The following CLN8 variants were observed in gnomAD, a reference collection of about 807,000 sequenced individuals.
CLN8 encodes the protein protein CLN8.
In CLN8, 14 loss-of-function variants were observed where a neutral mutation model predicts 15.7. The observed-to-expected ratio is 0.89, with a 90% confidence interval of 0.59 to 1.39. The LOEUF (loss-of-function observed/expected upper bound fraction) is 1.39. Among genes scored for constraint, CLN8 ranks in the 40% most tolerant of loss-of-function variants. The pLI is 0.00. For missense variants in CLN8, 415 were observed against 364.0 expected, an observed-to-expected ratio of 1.14 and a Z score of -1.14; for synonymous variants, 188 against 151.0, an observed-to-expected ratio of 1.25 and a Z score of -1.80.
exon 1 of CLN8, chr8:1,755,876 G>A (rs1428543061): frequency 6.6e-6 from 1 of 152,166 alleles, no homozygotes; most frequent in Non-Finnish European, 1.5e-5. Context: ...GATTCCCTAT[G>A]AGACGGAGGA....
chr8:1,768,094 C>G (rs1285036626), intron 1 of CLN8, among the ~76,000 whole-genome samples: 1 of 151,960 alleles, frequency 6.6e-6, no homozygotes, highest in African/African-American at 2.4e-5. Flanking sequence ...CAGGTGCGCA[C>G]CACCACGCCT....
chr8:1,759,660 A>G (rs1308439016), upstream of CLN8: 3 of 152,234 alleles, frequency 2.0e-5, no homozygotes, highest in African/African-American at 7.2e-5. Context: ...TCTTTGCCAC[A>G]TTGAGGCTGA....
chr8:1,757,239 G>A (rs979230273), intron 1 of CLN8, among the ~76,000 whole-genome samples: 1 of 152,090 alleles, frequency 6.6e-6, no homozygotes, highest in Non-Finnish European at 1.5e-5. Context: ...GGGCATTGTC[G>A]GAAGCCTGGT....
At position 1,784,357 on chromosome 8, in the gene CLN8, G is replaced by A. The variant is rs1452454216; in HGVS notation, c.*3790G>A. On this transcript the variant is annotated 3_prime_UTR_variant, in exon 3 of 3. Coordinates refer to ENST00000331222, the MANE Select transcript of CLN8 (RefSeq NM_018941.4). Reference sequence around the variant, plus strand: ...GAAGTCCAAGATAAAGGTGTGGGCTGATTAGTTTCTGCTGGGAACACTGCA... The same window carrying A: ...GAAGTCCAAGATAAAGGTGTGGGCTAATTAGTTTCTGCTGGGAACACTGCA... The A allele has an allele frequency of 6.6e-6, 1 of 152,370 alleles. No individual in the cohort carries two copies. The highest frequency in any genetic ancestry group is 2.4e-5 in the African/African-American group (1 of 41,432). The allele number at this position is 152,370 out of a possible 1,614,324, so 9.4% of individuals were successfully genotyped here.
intron 1 of CLN8, among the ~76,000 whole-genome samples, chr8:1,756,476 T>C (rs1800672611): frequency 9.4e-6 from 1 of 106,694 alleles, no homozygotes; most frequent in African/African-American, 3.7e-5. Context: ...AGAGTGAGAA[T>C]CCATCTCAAA....
upstream of CLN8, chr8:1,763,362 C>A (rs1217479222): frequency 8.3e-6 from 1 of 119,984 alleles, no homozygotes; most frequent in African/African-American, 3.2e-5. Flanking sequence ...TGGTTCAGCG[C>A]GTCCACCCCG....
chr8:1,766,546 C>T (rs568777854), intron 1 of CLN8, among the ~76,000 whole-genome samples: 7 of 152,088 alleles, frequency 4.6e-5, no homozygotes, highest in Non-Finnish European at 7.4e-5. Flanking sequence ...CTCGCCATCA[C>T]GCCTGGCTAT....
At chr8:1,769,880 C>G (rs1313903331) in intron 1 of CLN8, among the ~76,000 whole-genome samples, 1 of 152,192 alleles carries the variant, frequency 6.6e-6, no homozygotes, top group Non-Finnish European at 1.5e-5. Context: ...GGTCTGTGCC[C>G]TCACAGAGCT....
chr8:1,777,854 G>A (rs530441354), intron 2 of CLN8, among the ~76,000 whole-genome samples: 28 of 152,330 alleles, frequency 1.8e-4, no homozygotes, highest in African/African-American at 6.5e-4. Context: ...CATCAGAGAA[G>A]GAGTACACTC....
intron 2 of CLN8, 71 bp downstream of exon 2, chr8:1,771,668 G>C (rs1374486834): frequency 2.1e-6 from 3 of 1,434,830 alleles, no homozygotes; most frequent in Non-Finnish European, 1.9e-6. Context: ...TGTCCTGGAC[G>C]CTGCCATAAA....
chr8:1,761,008 CCAT>C (rs1800782860), upstream of CLN8, among the ~76,000 whole-genome samples: 1 of 142,716 alleles, frequency 7.0e-6, no homozygotes, highest in Admixed American at 7.2e-5. Context: ...ATGACTATAG[CCAT>C]CTTTTTTTTT....
upstream of CLN8, chr8:1,762,998 AAACATAAGTAACTCGAAT>A (rs989809928): frequency 1.3e-5 from 2 of 152,238 alleles, no homozygotes; most frequent in African/African-American, 4.8e-5. Context: ...TAGAGAGAAG[AAACATAAGTAACTCGAAT>A]AACAACCTTA....
upstream of CLN8, among the ~76,000 whole-genome samples, chr8:1,753,569 C>CAAAA (rs71190758): frequency 0.011 from 1,142 of 102,386 alleles, 20 homozygotes; most frequent in South Asian, 0.035. Flanking sequence ...GAAACTGTTT[C>CAAAA]AAAAAAAAAA....
In CLN8 at chr8:1,758,569, C is replaced by T. The variant is rs560663329; in HGVS notation, c.-124+2487C>T. On this transcript the variant is annotated intron_variant, in intron 1 of 1. Transcript: ENST00000524258. ...CTCTTCTCCAAACACCTCACAGTAT[C>T]GTATTTCAAAATTCGGCTTTGTCAT... 4 of 152,326 alleles carry T rather than the reference C, an allele frequency of 2.6e-5. No homozygotes were observed. In the South Asian group the frequency reaches 6.2e-4, roughly 24 times the overall value. 9.4% of individuals were successfully genotyped at this position (152,326 alleles called of 1,614,324 possible). A position where few individuals can be genotyped will look rare whatever the true frequency, so the allele number is the denominator to read the frequency against.
At position 1,780,485 on chromosome 8, in the gene CLN8, C is replaced by T. The variant is rs146579299; in HGVS notation, c.779C>T (p.Pro260Leu). The change falls in exon 3 of 3, where the codon CCG becomes CTG. Residue 260 changes from proline (P) to leucine (L), a missense_variant. Physicochemically the swap from Pro to Leu is moderately conservative, Grantham distance 98. Coordinates refer to ENST00000331222, the MANE Select transcript of CLN8 (RefSeq NM_018941.4). ...THKKTQQLLN[P>L]VDWNFAQPEA... is the part of the protein sequence containing the mutation. ...AAGAAGACTCAGCAGCTTCTCAATCCGGTGGACTGGAACTTCGCACAGCCA... is the reference window on the plus strand; with the variant it reads ...AAGAAGACTCAGCAGCTTCTCAATCTGGTGGACTGGAACTTCGCACAGCCA... 257 of 1,614,194 alleles carry T rather than the reference C, an allele frequency of 1.6e-4. No homozygotes were observed. In the African/African-American group the frequency reaches 2.7e-3, roughly 17 times the overall value.
upstream of CLN8, among the ~76,000 whole-genome samples, chr8:1,761,365 C>T (rs562027330): frequency 3.3e-5 from 5 of 152,240 alleles, no homozygotes; most frequent in Admixed American, 1.3e-4. Flanking sequence ...TGCTCTGTTG[C>T]CCAGGCTGGA....
At chr8:1,772,143 G>A (rs535538534) in intron 2 of CLN8, among the ~76,000 whole-genome samples, 16 of 152,134 alleles carry the variant, frequency 1.1e-4, no homozygotes, top group Admixed American at 9.2e-4. Context: ...TCACTATGTT[G>A]GTCAGGCTGG....
intron 1 of CLN8, among the ~76,000 whole-genome samples, chr8:1,758,015 C>T (rs991691686): frequency 6.6e-6 from 1 of 152,118 alleles, no homozygotes; most frequent in Non-Finnish European, 1.5e-5. Flanking sequence ...TCCAAGGTCA[C>T]ACAGCCAGCA....
chr8:1,776,159 C>G (rs1174148184), intron 2 of CLN8, among the ~76,000 whole-genome samples: 4 of 151,718 alleles, frequency 2.6e-5, no homozygotes, highest in African/African-American at 9.7e-5. Flanking sequence ...TGCCCCGGCA[C>G]ACAAATGATG....
Sources: allele counts gnomAD v4.1 joint callset (sites outside exome capture counted in the v4.1 genomes callset), GRCh38; gene constraint gnomAD v4.1.1; transcripts MANE v1.5; gene names NCBI Gene and HGNC (gene_info 2026-07-23, HGNC 2026-07-21).